KDM4B: variants seen among roughly 807,000 people sequenced by gnomAD.
KDM4B encodes lysine demethylase 4B.
In KDM4B, 32 loss-of-function variants were observed where a neutral mutation model predicts 125.2. The ratio of observed to expected loss-of-function variants is 0.26; its 90% CI spans 0.19 to 0.34. KDM4B has a LOEUF of 0.34. Ranked by LOEUF, KDM4B falls within the 10% of genes least tolerant of loss-of-function variation. The pLI is 1.00. For synonymous variants in KDM4B, 721 were observed against 677.9 expected (o/e 1.06, Z -0.99); for missense variants, 1,190 against 1,577.7 (o/e 0.75, Z 4.16).
intron 21 of KDM4B, 146 bp downstream of exon 21, chr19:5,145,048 C>T: frequency 9.7e-7 from 1 of 1,033,748 alleles, no homozygotes; most frequent in Non-Finnish European, 1.4e-6. Context: ...CCGCAGGACC[C>T]AGCTGAGCCT....
chr19:4,996,913 C>T (rs1251066349), intron 1 of KDM4B, among the ~76,000 whole-genome samples: 1 of 152,220 alleles, frequency 6.6e-6, no homozygotes, highest in Admixed American at 6.5e-5. Flanking sequence ...TGAGCAGCAG[C>T]CCTGGCCTCC....
intron 5 of KDM4B, among the ~76,000 whole-genome samples, chr19:5,043,388 A>T (rs2036892801): frequency 7.2e-6 from 1 of 138,402 alleles, no homozygotes; most frequent in East Asian, 2.2e-4. Flanking sequence ...CGTGGTGTTT[A>T]TCGGAGTGGG....
intron 1 of KDM4B, among the ~76,000 whole-genome samples, chr19:4,972,274 G>T (rs2034286772): frequency 6.6e-6 from 1 of 151,932 alleles, no homozygotes; most frequent in Non-Finnish European, 1.5e-5. Context: ...TCCCTCCTCT[G>T]AGGCAGTCAC....
At chr19:4,990,474 C>T (rs188751191) in intron 1 of KDM4B, among the ~76,000 whole-genome samples, 1 of 152,296 alleles carries the variant, frequency 6.6e-6, no homozygotes, top group African/African-American at 2.4e-5. Context: ...GCATCTGTTA[C>T]CTGAGTCTGA....
At chr19:4,985,291 T>C (rs933723307) in intron 1 of KDM4B, among the ~76,000 whole-genome samples, 1 of 152,022 alleles carries the variant, frequency 6.6e-6, no homozygotes, top group African/African-American at 2.4e-5. Context: ...GCCATTGCGC[T>C]CCAGCCTGGG....
intron 11 of KDM4B, among the ~76,000 whole-genome samples, chr19:5,130,044 G>A (rs936141657): frequency 6.6e-6 from 1 of 152,188 alleles, no homozygotes; most frequent in Non-Finnish European, 1.5e-5. Context: ...CCAGCATCTA[G>A]AGGCCCCTGC....
chr19:5,011,543 G>A (rs1201071756), intron 1 of KDM4B, among the ~76,000 whole-genome samples: 1 of 152,224 alleles, frequency 6.6e-6, no homozygotes, highest in Non-Finnish European at 1.5e-5. Context: ...GGCAGGAGAT[G>A]GCATGTCCCT....
At chr19:5,072,290 G>A (rs1214655435) in intron 7 of KDM4B, among the ~76,000 whole-genome samples, 1 of 152,238 alleles carries the variant, frequency 6.6e-6, no homozygotes, top group Admixed American at 6.5e-5. Flanking sequence ...ACGTGGCTGT[G>A]CAGGAAATGT....
chr19:5,117,054 T>C (rs1457834624), intron 10 of KDM4B, among the ~76,000 whole-genome samples: 2 of 152,064 alleles, frequency 1.3e-5, no homozygotes, highest in East Asian at 3.9e-4. Context: ...CCCCTTGCTG[T>C]GTCTGTGCCG....
At position 4,982,591 on chromosome 19, in the gene KDM4B, T is replaced by TTCTCTCTC. The variant is rs551213682; in HGVS notation, c.-109+13375_-109+13382dup. ...CTTGTCTGTATAACCAAAAGTGATGTTCTCTCTCTCTCTCTCTCTCTTTCT... is the reference window on the plus strand; with the variant it reads ...CTTGTCTGTATAACCAAAAGTGATGTTCTCTCTCTCTCTCTCTCTCTCTCTCTCTTTCT... On this transcript the variant is annotated intron_variant, in intron 1 of 22. Coordinates refer to ENST00000159111, the MANE Select transcript of KDM4B (RefSeq NM_015015.3). Among the ~76,000 whole-genome samples, 6 of 147,434 alleles carry TTCTCTCTC rather than the reference T, an allele frequency of 4.1e-5. 1 individual carries two copies. The highest frequency in any genetic ancestry group is 1.5e-4 in the African/African-American group (6 of 40,500).
chr19:5,144,507 G>T, intron 20 of KDM4B, 95 bp downstream of exon 20: 1 of 468,158 alleles, frequency 2.1e-6, no homozygotes, highest in South Asian at 4.4e-5. Context: ...GGGGGTGGGC[G>T]GGGGGAAGCT....
At chr19:5,018,859 C>CA (rs1491202563) in intron 2 of KDM4B, among the ~76,000 whole-genome samples, 2 of 152,244 alleles carry the variant, frequency 1.3e-5, no homozygotes, top group Non-Finnish European at 2.9e-5. Flanking sequence ...GGCCCATCCT[C>CA]AGAGTTCATC....
At chr19:4,985,203 A>C (rs996721028) in intron 1 of KDM4B, among the ~76,000 whole-genome samples, 95 of 152,268 alleles carry the variant, frequency 6.2e-4, no homozygotes, top group African/African-American at 2.1e-3. Context: ...GCACGCCCGC[A>C]GTCCCAGCTA....
intron 10 of KDM4B, chr19:5,113,954 T>C (rs1424711429): frequency 1.6e-6 from 2 of 1,227,804 alleles, no homozygotes; most frequent in African/African-American, 1.6e-5. Flanking sequence ...TACTCCCTGC[T>C]CGCCACCTTA....
At chr19:5,116,325 G>T (rs1354542312) in intron 10 of KDM4B, among the ~76,000 whole-genome samples, 1 of 146,414 alleles carries the variant, frequency 6.8e-6, no homozygotes, top group Non-Finnish European at 1.5e-5. Context: ...CAAGCTAAAA[G>T]ACAAAGGAAA....
At chr19:5,083,456 G>A (rs2038368701) in intron 9 of KDM4B, among the ~76,000 whole-genome samples, 1 of 152,206 alleles carries the variant, frequency 6.6e-6, no homozygotes, top group African/African-American at 2.4e-5. Context: ...GGCCGTCTGG[G>A]CATCACAGGT....
intron 6 of KDM4B, among the ~76,000 whole-genome samples, chr19:5,053,689 C>G (rs1236812569): frequency 6.6e-6 from 1 of 152,220 alleles, no homozygotes; most frequent in Non-Finnish European, 1.5e-5. Context: ...TGAGGGGTGT[C>G]CCCTCTCTGC....
At position 5,131,932 on chromosome 19, in the gene KDM4B, C is replaced by T. The variant is rs373783329; in HGVS notation, c.1831C>T (p.Arg611Trp). The T allele has an allele frequency of 1.2e-5, 20 of 1,612,612 alleles. No individual in the cohort carries two copies. The highest frequency in any genetic ancestry group is 8.0e-5 in the African/African-American group (6 of 75,026). ...SKLKMEIKKSRRHPLGRPPTR... is the reference protein window; with the variant it reads ...SKLKMEIKKSWRHPLGRPPTR... Reference sequence around the variant, plus strand: ...ATTGAAGATGGAGATCAAGAAGAGCCGGCGCCATCCCCTGGGCCGGCCGCC... The same window carrying T: ...ATTGAAGATGGAGATCAAGAAGAGCTGGCGCCATCCCCTGGGCCGGCCGCC... The change falls in exon 13 of 23, where the codon CGG becomes TGG. Residue 611 changes from arginine to tryptophan, a missense_variant. Transcript: ENST00000159111.
chr19:5,054,845 C>G (rs544020727), intron 6 of KDM4B, among the ~76,000 whole-genome samples: 6 of 152,356 alleles, frequency 3.9e-5, no homozygotes, highest in Non-Finnish European at 7.3e-5. Context: ...CCCTCATCAT[C>G]GAGCCCTCTG....
Sources: allele counts gnomAD v4.1 joint callset (sites outside exome capture counted in the v4.1 genomes callset), GRCh38; gene constraint gnomAD v4.1.1; transcripts MANE v1.5; gene names NCBI Gene and HGNC (gene_info 2026-07-23, HGNC 2026-07-21).